Variants in ELAVL2 observed in about 807,000 individuals in gnomAD.
ELAVL2 encodes the protein ELAV-like protein 2.
A neutral mutation model predicts 34.6 loss-of-function variants in ELAVL2; 4 were observed. The observed-to-expected ratio is 0.12, with a 90% confidence interval of 0.06 to 0.26. ELAVL2 has a LOEUF of 0.26. Among genes scored for constraint, ELAVL2 ranks in the 10% least tolerant of loss-of-function variants. The pLI, the probability that ELAVL2 is intolerant of heterozygous loss-of-function variation, is 1.00. For missense variants in ELAVL2, 432 were observed against 442.8 expected (o/e 0.98, Z 0.22); for synonymous variants, 193 against 154.8 (o/e 1.25, Z -1.83).
At chr9:23,699,947 A>G (rs1041524515) in intron 5 of ELAVL2, among the ~76,000 whole-genome samples, 1 of 150,202 alleles carries the variant, frequency 6.7e-6, no homozygotes, top group African/African-American at 2.4e-5. Context: ...GGCCAACTTA[A>G]GTTGAAATTT....
At position 23,762,182 on chromosome 9, in the gene ELAVL2, G is replaced by T. The variant is rs2055176296; in HGVS notation, c.53C>A (p.Pro18Gln). 1 of 1,613,462 alleles carries T rather than the reference G, an allele frequency of 6.2e-7. No individual in the cohort carries two copies. Among genetic ancestry groups the T allele is most frequent in the African/African-American group, 1.3e-5 (1 of 74,840 alleles). ...GPTCNNTANG[P>Q]TTINNNCSSP... ...CGAACAGTTGTTGTTTATGGTGGTT[G>T]GACCATTGGCTGTGTTATTGCAAGT... is the stretch of plus-strand genomic sequence containing the variant. Residue 18 changes from proline to glutamine, a missense_variant, in exon 2 of 7, where the codon CCA becomes CAA. Physicochemically the swap from Pro to Gln is moderately conservative, Grantham distance 76. Transcript: ENST00000397312.
intron 2 of ELAVL2, among the ~76,000 whole-genome samples, chr9:23,761,221 C>G (rs1461524727): frequency 6.6e-6 from 1 of 152,088 alleles, no homozygotes; most frequent in Non-Finnish European, 1.5e-5. Flanking sequence ...TCCACAGAGT[C>G]TGTCTACCTT....
intron 1 of ELAVL2, among the ~76,000 whole-genome samples, chr9:23,802,185 G>T (rs1025115337): frequency 6.6e-6 from 1 of 152,132 alleles, no homozygotes; most frequent in Non-Finnish European, 1.5e-5. Flanking sequence ...ACTACTCCGA[G>T]GTGCATTTTT....
intron 1 of ELAVL2, among the ~76,000 whole-genome samples, chr9:23,770,414 G>A (rs1327533678): frequency 6.6e-6 from 1 of 152,140 alleles, no homozygotes; most frequent in East Asian, 1.9e-4. Context: ...GTGTGAATAT[G>A]TTATGTTACA....
intron 1 of ELAVL2, among the ~76,000 whole-genome samples, chr9:23,773,285 T>A (rs2057632635): frequency 6.6e-6 from 1 of 152,146 alleles, no homozygotes; most frequent in South Asian, 2.1e-4. Context: ...TCAGACCTTA[T>A]CCACTTATAT....
chr9:23,803,904 G>T (rs2061880025), intron 1 of ELAVL2, among the ~76,000 whole-genome samples: 1 of 152,262 alleles, frequency 6.6e-6, no homozygotes, highest in Admixed American at 6.5e-5. Flanking sequence ...CAGACTTGGA[G>T]AACTTGAGAG....
chr9:23,691,067 A>C lies in ELAVL2; in HGVS notation c.*1490T>G, dbSNP rs1273179972. On this transcript the variant is annotated 3_prime_UTR_variant, in exon 7 of 7. Transcript: ENST00000397312. ...TATTTATAAACCAAAATGTAGCATC[A>C]CCATAAACAGCTGAAGCTAGACTAT... 2 of 152,564 alleles carry C rather than the reference A, an allele frequency of 1.3e-5. No homozygotes were observed. Among genetic ancestry groups the C allele is most frequent in the Non-Finnish European group, 2.9e-5 (2 of 67,986 alleles). 9.5% of individuals were successfully genotyped at this position (152,564 alleles called of 1,614,324 possible).
intron 3 of ELAVL2, among the ~76,000 whole-genome samples, chr9:23,709,529 A>C (rs1408225592): frequency 6.6e-6 from 1 of 152,044 alleles, no homozygotes; most frequent in East Asian, 1.9e-4. Flanking sequence ...GGCTATTTTC[A>C]GAAAGTGTTA....
chr9:23,772,946 G>A (rs1385968167), intron 1 of ELAVL2, among the ~76,000 whole-genome samples: 1 of 152,020 alleles, frequency 6.6e-6, no homozygotes, highest in African/African-American at 2.4e-5. Context: ...TCTGCCTCTT[G>A]CTCCCCCAAA....
chr9:23,755,028 T>G (rs1159666772), intron 2 of ELAVL2, among the ~76,000 whole-genome samples: 1 of 152,156 alleles, frequency 6.6e-6, no homozygotes, highest in African/African-American at 2.4e-5. Flanking sequence ...TTCTGAACGC[T>G]TCCCCATGAT....
chr9:23,703,244 C>A (rs1466591109), intron 4 of ELAVL2, among the ~76,000 whole-genome samples: 1 of 152,114 alleles, frequency 6.6e-6, no homozygotes, highest in Non-Finnish European at 1.5e-5. Context: ...ATAGGTGAAA[C>A]CTACTCTCAA....
chr9:23,787,903 C>T (rs913049377), intron 1 of ELAVL2, among the ~76,000 whole-genome samples: 6 of 152,124 alleles, frequency 3.9e-5, no homozygotes, highest in Non-Finnish European at 7.4e-5. Context: ...TTTTAGAGGG[C>T]AAACAGAAGT....
chr9:23,727,880 C>A (rs2045616723), intron 3 of ELAVL2, among the ~76,000 whole-genome samples: 1 of 152,052 alleles, frequency 6.6e-6, no homozygotes, highest in African/African-American at 2.4e-5. Flanking sequence ...AAATAAACCA[C>A]CTTTCACAGC....
intron 1 of ELAVL2, among the ~76,000 whole-genome samples, chr9:23,823,263 C>T (rs78497221): frequency 0.032 from 4,841 of 152,298 alleles, 250 homozygotes; most frequent in Admixed American, 0.12. Context: ...ATCCCAGGCA[C>T]GCGGGATTGC....
intron 3 of ELAVL2, among the ~76,000 whole-genome samples, chr9:23,727,644 G>A (rs982461418): frequency 2.0e-5 from 3 of 151,992 alleles, no homozygotes; most frequent in Admixed American, 6.6e-5. Flanking sequence ...GACAGGGATC[G>A]AGTAGATCTA....
intron 3 of ELAVL2, among the ~76,000 whole-genome samples, chr9:23,717,195 G>T (rs1462720652): frequency 6.6e-6 from 1 of 152,146 alleles, no homozygotes; most frequent in African/African-American, 2.4e-5. Flanking sequence ...ACTTCATATA[G>T]TAATGAAAAT....
chr9:23,725,990 C>T (rs959877477), intron 3 of ELAVL2, among the ~76,000 whole-genome samples: 1 of 151,662 alleles, frequency 6.6e-6, no homozygotes, highest in African/African-American at 2.4e-5. Context: ...CCAGTTAAAT[C>T]ATTTTAGTAA....
chr9:23,741,171 T>A (rs1189433744), intron 2 of ELAVL2, among the ~76,000 whole-genome samples: 1 of 151,944 alleles, frequency 6.6e-6, no homozygotes, highest in African/African-American at 2.4e-5. Flanking sequence ...GACAAACAAA[T>A]TAAGGTAATA....
intron 1 of ELAVL2, among the ~76,000 whole-genome samples, chr9:23,779,580 G>C (rs997009034): frequency 6.6e-6 from 1 of 151,932 alleles, no homozygotes; most frequent in Non-Finnish European, 1.5e-5. Flanking sequence ...CTGTCCCTAG[G>C]TGCATTTGAC....
Sources: allele counts gnomAD v4.1 joint callset (sites outside exome capture counted in the v4.1 genomes callset), GRCh38; gene constraint gnomAD v4.1.1; transcripts MANE v1.5; gene names NCBI Gene and HGNC (gene_info 2026-07-23, HGNC 2026-07-21).